The following ARHGAP15 variants were observed in gnomAD, a reference collection of about 807,000 sequenced individuals.
ARHGAP15 encodes rho GTPase-activating protein 15.
ARHGAP15 carries 51 observed loss-of-function variants against 63.7 expected under a neutral mutation model. The ratio of observed to expected loss-of-function variants is 0.80; its 90% confidence interval spans 0.64 to 1.01. The LOEUF is 1.01. Among genes scored for constraint, ARHGAP15 ranks in the 50% least tolerant of loss-of-function variants. ARHGAP15 has a pLI of 0.00. For missense variants in ARHGAP15, 560 were observed against 564.6 expected (o/e 0.99, Z 0.08); for synonymous variants, 191 against 193.8 (o/e 0.99, Z 0.12).
At chr2:143,676,771 C>A (rs921719238) in intron 12 of ARHGAP15, among the ~76,000 whole-genome samples, 1 of 152,006 alleles carries the variant, frequency 6.6e-6, no homozygotes, top group African/African-American at 2.4e-5. Flanking sequence ...TGAAATACTG[C>A]AAGAATTACC....
At chr2:143,325,889 AATG>A (rs1240935004) in intron 6 of ARHGAP15, among the ~76,000 whole-genome samples, 2 of 152,196 alleles carry the variant, frequency 1.3e-5, no homozygotes, top group Non-Finnish European at 2.9e-5. Flanking sequence ...CACCAGGAAG[AATG>A]ATGACAAGTA....
chr2:143,408,727 A>G (rs1471984107), intron 6 of ARHGAP15, among the ~76,000 whole-genome samples: 2 of 151,964 alleles, frequency 1.3e-5, no homozygotes. Flanking sequence ...AATATAGATG[A>G]TATTTGAAGC....
chr2:143,372,982 C>CT (rs1181842064), intron 6 of ARHGAP15, among the ~76,000 whole-genome samples: 1 of 107,956 alleles, frequency 9.3e-6, no homozygotes, highest in South Asian at 2.6e-4. Flanking sequence ...CCTCTCTCCT[C>CT]TTAAAAAAAA....
rs1452744410 is a variant in ARHGAP15, at chr2:143,763,281, A to G, written c.1245-4708A>G. 2.0e-5 allele frequency among the ~76,000 whole-genome samples: 3 copies of G among 152,124 alleles called. No individual in the cohort carries two copies. The East Asian group carries it at 5.8e-4, about 29-fold the overall frequency. On this transcript the variant is annotated intron_variant, in intron 13 of 13. Coordinates refer to ENST00000295095, the MANE Select transcript of ARHGAP15 (RefSeq NM_018460.4). The stretch of plus-strand genomic sequence containing the variant: ...TGATTTCCTCTGTAATCCTAAATCA[A>G]CCACTTAACTATTTAGGAGTCCAGC...
chr2:143,601,363 A>G (rs1467341630), intron 11 of ARHGAP15, among the ~76,000 whole-genome samples: 2 of 152,160 alleles, frequency 1.3e-5, no homozygotes, highest in African/African-American at 4.8e-5. Flanking sequence ...AGGGAAAGGT[A>G]ATAGAATAAA....
intron 6 of ARHGAP15, among the ~76,000 whole-genome samples, chr2:143,336,930 A>C (rs1251266473): frequency 1.3e-5 from 2 of 152,180 alleles, no homozygotes; most frequent in African/African-American, 4.8e-5. Flanking sequence ...ATCATGGATA[A>C]GATTCCTATC....
At chr2:143,688,171 T>C (rs187218169) in intron 12 of ARHGAP15, among the ~76,000 whole-genome samples, 101 of 152,070 alleles carry the variant, frequency 6.6e-4, no homozygotes, top group Non-Finnish European at 7.4e-5. Context: ...CTTGATTTTC[T>C]AGTTTTTATC....
At chr2:143,309,648 T>A (rs1683343855) in intron 6 of ARHGAP15, among the ~76,000 whole-genome samples, 1 of 152,012 alleles carries the variant, frequency 6.6e-6, no homozygotes, top group Non-Finnish European at 1.5e-5. Flanking sequence ...GTGGTAACAA[T>A]AAAATCCCTA....
intron 12 of ARHGAP15, among the ~76,000 whole-genome samples, chr2:143,645,417 T>C (rs1337521546): frequency 6.6e-6 from 1 of 152,202 alleles, no homozygotes; most frequent in East Asian, 1.9e-4. Context: ...TTGAATTAAT[T>C]AATTATACTT....
At chr2:143,239,738 C>T (rs192811855) in intron 5 of ARHGAP15, among the ~76,000 whole-genome samples, 2 of 152,104 alleles carry the variant, frequency 1.3e-5, no homozygotes, top group Admixed American at 1.3e-4. Context: ...TGCCTAGAAT[C>T]CCAGTACTTT....
intron 2 of ARHGAP15, among the ~76,000 whole-genome samples, chr2:143,182,526 GGA>G (rs1558798860): frequency 6.6e-6 from 1 of 152,184 alleles, no homozygotes; most frequent in African/African-American, 2.4e-5. Context: ...GAGGAAAAGA[GGA>G]GAGAGAATAT....
At chr2:143,505,038 C>T (rs1693246100) in intron 9 of ARHGAP15, among the ~76,000 whole-genome samples, 1 of 152,202 alleles carries the variant, frequency 6.6e-6, no homozygotes, top group South Asian at 2.1e-4. Flanking sequence ...GAGAGAGTAG[C>T]TTCTTTCCAC....
chr2:143,391,936 C>G (rs1687553650), intron 6 of ARHGAP15, among the ~76,000 whole-genome samples: 1 of 152,006 alleles, frequency 6.6e-6, no homozygotes, highest in African/African-American at 2.4e-5. Flanking sequence ...TGTGGTACTT[C>G]AGGTCACAAA....
intron 8 of ARHGAP15, among the ~76,000 whole-genome samples, chr2:143,438,425 T>A (rs934105202): frequency 2.0e-5 from 3 of 152,140 alleles, no homozygotes; most frequent in Non-Finnish European, 4.4e-5. Context: ...GATAACATAT[T>A]TGCCAAAGTT....
chr2:143,475,605 G>T (rs527565719), intron 8 of ARHGAP15, among the ~76,000 whole-genome samples: 16 of 152,214 alleles, frequency 1.1e-4, no homozygotes, highest in Admixed American at 2.6e-4. Context: ...CCTACAGAGG[G>T]TGCCAAGAGC....
chr2:143,577,249 G>A (rs959561596), intron 11 of ARHGAP15, among the ~76,000 whole-genome samples: 2 of 152,044 alleles, frequency 1.3e-5, no homozygotes, highest in African/African-American at 4.8e-5. Context: ...CCTCATACGA[G>A]CTAAAATGTA....
intron 6 of ARHGAP15, among the ~76,000 whole-genome samples, chr2:143,404,116 G>A (rs557589383): frequency 3.1e-4 from 47 of 151,892 alleles, no homozygotes; most frequent in African/African-American, 1.1e-3. Context: ...TAAAAGGAAG[G>A]GAGTCCAAAG....
intron 2 of ARHGAP15, among the ~76,000 whole-genome samples, chr2:143,164,467 T>C (rs1217851510): frequency 1.3e-5 from 2 of 152,028 alleles, no homozygotes; most frequent in Admixed American, 1.3e-4. Context: ...ATTTTTATGA[T>C]TCCTATTCAC....
chr2:143,436,118 ATTC>A (rs1249973306), intron 7 of ARHGAP15, among the ~76,000 whole-genome samples: 3 of 152,094 alleles, frequency 2.0e-5, no homozygotes, highest in Admixed American at 6.6e-5. Context: ...GATTTTTATT[ATTC>A]TTCCAGCTAA....
Sources: gnomAD v4.1 joint callset for allele counts (sites outside exome capture counted in the v4.1 genomes callset) on GRCh38, gnomAD v4.1.1 for gene constraint, MANE v1.5 for transcripts, NCBI Gene and HGNC (gene_info 2026-07-23, HGNC 2026-07-21) for gene names.